The following PSPC1 variants were observed in gnomAD, a reference collection of about 807,000 sequenced individuals.
The protein encoded by PSPC1 is paraspeckle protein 1.
In PSPC1, 14 loss-of-function variants were observed where a neutral mutation model predicts 51.6. The observed-to-expected ratio is 0.27, with a 90% CI of 0.18 to 0.42. PSPC1 has a LOEUF of 0.42. PSPC1 is among the 10% of genes least tolerant of loss of function. The pLI is 1.00. For missense variants in PSPC1, 406 were observed against 701.1 expected (o/e 0.58, Z 4.75); for synonymous variants, 193 against 231.9 (o/e 0.83, Z 1.53).
chr13:19,689,611 T>C (rs868405072), intron 6 of PSPC1, among the ~76,000 whole-genome samples: 10 of 152,176 alleles, frequency 6.6e-5, no homozygotes, highest in Admixed American at 2.0e-4. Context: ...AAAAAAACAA[T>C]GCTTCTTGCA....
chr13:19,731,850 C>A (rs1243982231), intron 5 of PSPC1, among the ~76,000 whole-genome samples: 3 of 152,176 alleles, frequency 2.0e-5, no homozygotes, highest in African/African-American at 7.2e-5. Context: ...TGGTGTTAAA[C>A]ATGTCCCATA....
At position 19,755,729 on chromosome 13, in the gene PSPC1, A is replaced by C. The variant is rs185695272; in HGVS notation, c.770+3594T>G. Among the ~76,000 whole-genome samples, 10 of 152,248 alleles carry C rather than the reference A, an allele frequency of 6.6e-5. No homozygotes were observed. In the East Asian group the frequency reaches 1.9e-3, roughly 29 times the overall value. Reference sequence around the variant, plus strand: ...TCCAATGAATGAATGCTCCCTTCTCAGTCGTTATTGATTCCTTCTGATCTT... The same window carrying C: ...TCCAATGAATGAATGCTCCCTTCTCCGTCGTTATTGATTCCTTCTGATCTT... On this transcript the variant is annotated intron_variant, in intron 3 of 8. Transcript: ENST00000338910.
Position 19,747,116 on chromosome 13 carries a change from TA to T in PSPC1, c.967+4154del, listed in dbSNP as rs937049214. On this transcript the variant is annotated intron_variant, in intron 4 of 8. Coordinates refer to ENST00000338910, the MANE Select transcript of PSPC1 (RefSeq NM_001354909.2). ...AGAGTGAAACTCCGTCTCAAAAAAATAAAAAAAAATCAACATTTACAAAAAT... is the reference window on the plus strand; with the variant it reads ...AGAGTGAAACTCCGTCTCAAAAAAATAAAAAAAATCAACATTTACAAAAAT... Among the ~76,000 whole-genome samples, 8 of 151,124 alleles carry T rather than the reference TA, an allele frequency of 5.3e-5. No individual in the cohort carries two copies. In the East Asian group the frequency reaches 9.7e-4, roughly 18 times the overall value.
chr13:19,700,063 C>T (rs1879719311), downstream of PSPC1, among the ~76,000 whole-genome samples: 2 of 152,022 alleles, frequency 1.3e-5, no homozygotes, highest in South Asian at 2.1e-4. Context: ...TGATCACATC[C>T]TTTCACAAAA....
chr13:19,727,869 T>G (rs927662576), intron 6 of PSPC1, among the ~76,000 whole-genome samples: 8 of 152,210 alleles, frequency 5.3e-5, no homozygotes, highest in Non-Finnish European at 1.2e-4. Context: ...CTCTATATTA[T>G]GGTAAAGACA....
At chr13:19,679,702 C>G (rs1380662674) in intron 6 of PSPC1, among the ~76,000 whole-genome samples, 4 of 152,106 alleles carry the variant, frequency 2.6e-5, no homozygotes, top group Admixed American at 2.6e-4. Context: ...CATTTTATAT[C>G]AGGAACTTCA....
At chr13:19,708,455 T>C (rs905855713) in intron 7 of PSPC1, among the ~76,000 whole-genome samples, 3 of 152,102 alleles carry the variant, frequency 2.0e-5, no homozygotes, top group African/African-American at 7.2e-5. Context: ...TAATTCCTTA[T>C]CCAACTTTTA....
intron 6 of PSPC1, among the ~76,000 whole-genome samples, chr13:19,725,143 C>G (rs1883229634): frequency 6.6e-6 from 1 of 152,188 alleles, no homozygotes; most frequent in Non-Finnish European, 1.5e-5. Context: ...CGCCACTGAA[C>G]TCCAGCCTAA....
chr13:19,776,844 T>C (rs1462773265), intron 1 of PSPC1, among the ~76,000 whole-genome samples: 4 of 146,980 alleles, frequency 2.7e-5, no homozygotes, highest in Admixed American at 1.4e-4. Flanking sequence ...AAAAATAATA[T>C]GCCGGGCATG....
At chr13:19,762,131 C>A (rs1295712996) in intron 2 of PSPC1, among the ~76,000 whole-genome samples, 1 of 152,152 alleles carries the variant, frequency 6.6e-6, no homozygotes, top group Non-Finnish European at 1.5e-5. Flanking sequence ...TTACACAGTG[C>A]GGGAGAGGAG....
chr13:19,672,037 T>C, downstream of PSPC1: 4 of 674,948 alleles, frequency 5.9e-6, no homozygotes, highest in East Asian at 5.4e-5. Context: ...GACATAGCTG[T>C]GTCTGTGCCA....
intron 6 of PSPC1, among the ~76,000 whole-genome samples, chr13:19,725,552 A>T (rs1219096965): frequency 6.6e-6 from 1 of 152,158 alleles, no homozygotes; most frequent in African/African-American, 2.4e-5. Context: ...GTCTCAATAC[A>T]GTCTCACATA....
At chr13:19,683,054 T>A (rs2137597031) in intron 6 of PSPC1, among the ~76,000 whole-genome samples, 1 of 151,840 alleles carries the variant, frequency 6.6e-6, no homozygotes, top group African/African-American at 2.4e-5. Flanking sequence ...GGTGACAGAG[T>A]GAGATCCTGT....
chr13:19,685,392 T>A (rs573465762), intron 6 of PSPC1, among the ~76,000 whole-genome samples: 1 of 152,344 alleles, frequency 6.6e-6, no homozygotes, highest in East Asian at 1.9e-4. Context: ...CAGGAAAAAC[T>A]ATGTGGTATA....
chr13:19,698,599 A>G (rs1453684682), downstream of PSPC1, among the ~76,000 whole-genome samples: 1 of 151,880 alleles, frequency 6.6e-6, no homozygotes, highest in African/African-American at 2.4e-5. Context: ...AATTTGAGTG[A>G]TTTATATTCC....
chr13:19,776,799 G>A (rs1294302710), intron 1 of PSPC1, among the ~76,000 whole-genome samples: 1 of 148,358 alleles, frequency 6.7e-6, no homozygotes, highest in Non-Finnish European at 1.5e-5. Flanking sequence ...GAGCCACCGC[G>A]CCCGGCCTAC....
intron 6 of PSPC1, among the ~76,000 whole-genome samples, chr13:19,725,453 A>G (rs1291028103): frequency 1.3e-5 from 2 of 152,164 alleles, no homozygotes; most frequent in South Asian, 4.1e-4. Context: ...ACTTTTATAG[A>G]TTCCCTTCAA....
At chr13:19,683,415 A>G (rs1337180020) in intron 6 of PSPC1, among the ~76,000 whole-genome samples, 2 of 152,128 alleles carry the variant, frequency 1.3e-5, no homozygotes, top group African/African-American at 4.8e-5. Context: ...GGAGAGAAAA[A>G]AGAGTACATA....
At chr13:19,742,929 G>GAGA (rs376875867) in intron 4 of PSPC1, among the ~76,000 whole-genome samples, 1 of 78 alleles carries the variant, frequency 0.013, no homozygotes, top group East Asian at 0.5. Context: ...TTACGAAGAA[G>GAGA]AGTGAGGAGA....
Sources: gnomAD v4.1 joint callset for allele counts (sites outside exome capture counted in the v4.1 genomes callset) on GRCh38, gnomAD v4.1.1 for gene constraint, MANE v1.5 for transcripts, NCBI Gene and HGNC (gene_info 2026-07-23, HGNC 2026-07-21) for gene names.